Variants in NRXN1 observed in about 807,000 individuals in gnomAD.
The protein encoded by NRXN1 is neurexin-1.
A neutral mutation model predicts 150.9 loss-of-function variants in NRXN1; 39 were observed. The observed-to-expected ratio is 0.26, with a 90% CI of 0.20 to 0.34. The LOEUF (loss-of-function observed/expected upper bound fraction) is 0.34, where lower values mean the gene tolerates loss of function less well. NRXN1 is among the 10% of genes least tolerant of loss of function. NRXN1 has a pLI of 1.00. For missense variants in NRXN1, 1,815 were observed against 1,949.9 expected (o/e 0.93, Z 1.30); for synonymous variants, 924 against 757.0 (o/e 1.22, Z -3.62).
intron 22 of NRXN1, among the ~76,000 whole-genome samples, chr2:49,933,908 A>T (rs1456779072): frequency 6.6e-6 from 1 of 152,174 alleles, no homozygotes; most frequent in African/African-American, 2.4e-5. Context: ...GTATTTGAGG[A>T]CTTCCCTTTC....
rs185157598 is a variant in NRXN1 at position 50,796,193 on chromosome 2, C to G, written c.832+125676G>C. Reference sequence around the variant, plus strand: ...TCTCAGAAGCCATGTTAAGCATGTTCAAATACTCCTAAAATGGCTGCTGGT... The same window carrying G: ...TCTCAGAAGCCATGTTAAGCATGTTGAAATACTCCTAAAATGGCTGCTGGT... On this transcript the variant is annotated intron_variant, in intron 5 of 22. Transcript: ENST00000401669. Among the ~76,000 whole-genome samples the G allele has an allele frequency of 9.2e-5, 14 of 152,250 alleles. No homozygotes were observed. In the East Asian group the frequency reaches 2.7e-3, roughly 29 times the overall value.
chr2:49,986,107 C>A (rs1181052182), intron 21 of NRXN1, among the ~76,000 whole-genome samples: 1 of 152,122 alleles, frequency 6.6e-6, no homozygotes, highest in Non-Finnish European at 1.5e-5. Flanking sequence ...TATGTGACTT[C>A]GATCTAAATG....
intron 5 of NRXN1, among the ~76,000 whole-genome samples, chr2:50,847,744 G>A (rs937299441): frequency 2.0e-4 from 31 of 152,274 alleles, no homozygotes; most frequent in African/African-American, 7.0e-4. Flanking sequence ...TCAAGAGGAC[G>A]TGGAGGGAGT....
In NRXN1 at chr2:50,210,053, T is replaced by A. The variant is rs375885062; in HGVS notation, c.3546+26736A>T. Among the ~76,000 whole-genome samples, 10 of 152,110 alleles carry A rather than the reference T, an allele frequency of 6.6e-5. No homozygotes were observed. In the South Asian group the frequency reaches 1.9e-3, roughly 28 times the overall value. ...CCAAAATTATAATTACTTGGGTAAA[T>A]ATTATCATTTACAGGCAAATAATAA... On this transcript the variant is annotated intron_variant, in intron 18 of 22. Transcript: ENST00000401669.
intron 17 of NRXN1, among the ~76,000 whole-genome samples, chr2:50,280,715 C>CG (rs535831519): frequency 1.5e-3 from 226 of 152,246 alleles, no homozygotes; most frequent in African/African-American, 5.0e-3. Flanking sequence ...CAGGCTCTGA[C>CG]GGCGCTCTAA....
At chr2:49,954,894 C>A (rs2104489360) in intron 21 of NRXN1, among the ~76,000 whole-genome samples, 1 of 152,224 alleles carries the variant, frequency 6.6e-6, no homozygotes, top group Middle Eastern at 3.4e-3. Context: ...GCCCCCAGGG[C>A]ATCTATACAG....
At chr2:50,131,381 G>A (rs1705470084) in intron 18 of NRXN1, among the ~76,000 whole-genome samples, 1 of 151,982 alleles carries the variant, frequency 6.6e-6, no homozygotes, top group South Asian at 2.1e-4. Context: ...GTTTTCTTTG[G>A]TCAGTTTATC....
At chr2:49,930,945 A>G (rs7598993) in intron 22 of NRXN1, among the ~76,000 whole-genome samples, 32,637 of 152,076 alleles carry the variant, frequency 0.21, 3,719 homozygotes, top group East Asian at 0.31. Flanking sequence ...GCCTGGGAAA[A>G]AGAACAAGAT....
intron 18 of NRXN1, among the ~76,000 whole-genome samples, chr2:50,223,004 T>C (rs1034221729): frequency 1.3e-5 from 2 of 151,894 alleles, no homozygotes; most frequent in Non-Finnish European, 2.9e-5. Context: ...AAAAATTAAA[T>C]TGATTTAAAA....
chr2:50,838,487 A>G (rs1002478126), intron 5 of NRXN1, among the ~76,000 whole-genome samples: 1 of 152,136 alleles, frequency 6.6e-6, no homozygotes, highest in African/African-American at 2.4e-5. Context: ...AGAGTATGCT[A>G]TAAGCCTAAC....
chr2:50,485,938 C>A (rs2090839798), intron 15 of NRXN1, among the ~76,000 whole-genome samples: 1 of 152,148 alleles, frequency 6.6e-6, no homozygotes, highest in Non-Finnish European at 1.5e-5. Context: ...AGTGACTGAC[C>A]AAAGCAGAGG....
Position 50,528,830 on chromosome 2 carries a change from T to C in NRXN1, c.2348-179A>G, listed in dbSNP as rs576793317. 1.0e-5 allele frequency: 5 copies of C among 496,948 alleles called. No individual in the cohort carries two copies. In the South Asian group the frequency reaches 1.7e-4, roughly 17 times the overall value. 30.8% of individuals were successfully genotyped at this position (496,948 alleles called of 1,614,324 possible). A position where few individuals can be genotyped will look rare whatever the true frequency, so the allele number is the denominator to read the frequency against. On this transcript the variant is annotated intron_variant, in intron 11 of 22. Coordinates refer to ENST00000401669, the MANE Select transcript of NRXN1 (RefSeq NM_001330078.2). Reference sequence around the variant, plus strand: ...ATGTTTTGTTATAAAAGTTTACCATTGGAAACAACAATAGAAGGTTTTAAA... The same window carrying C: ...ATGTTTTGTTATAAAAGTTTACCATCGGAAACAACAATAGAAGGTTTTAAA...
chr2:50,197,100 A>G (rs528937354), intron 18 of NRXN1, among the ~76,000 whole-genome samples: 7 of 152,286 alleles, frequency 4.6e-5, no homozygotes, highest in Admixed American at 1.3e-4. Context: ...TAATATGGAC[A>G]GAGTCTCCTA....
intron 21 of NRXN1, among the ~76,000 whole-genome samples, chr2:50,013,026 C>T (rs370074459): frequency 6.6e-6 from 1 of 152,042 alleles, no homozygotes; most frequent in Admixed American, 6.6e-5. Flanking sequence ...GATCTGAAAA[C>T]AAAACCTACA....
chr2:50,244,862 A>G (rs1211235481), intron 17 of NRXN1, among the ~76,000 whole-genome samples: 1 of 151,878 alleles, frequency 6.6e-6, no homozygotes, highest in Non-Finnish European at 1.5e-5. Context: ...GGATTTTTAA[A>G]CTGCTTTTTA....
chr2:50,286,613 T>C (rs539897070), intron 17 of NRXN1, among the ~76,000 whole-genome samples: 3 of 152,212 alleles, frequency 2.0e-5, no homozygotes, highest in East Asian at 1.9e-4. Context: ...ACAGATATTA[T>C]GTGAAGAGGT....
chr2:50,958,981 A>G (rs1275600682), intron 2 of NRXN1, among the ~76,000 whole-genome samples: 2 of 152,086 alleles, frequency 1.3e-5, no homozygotes, highest in Non-Finnish European at 2.9e-5. Context: ...ATTTTGTCGT[A>G]GTGTCTTTGC....
intron 21 of NRXN1, among the ~76,000 whole-genome samples, chr2:50,002,786 A>G (rs550735876): frequency 6.6e-6 from 1 of 152,252 alleles, no homozygotes; most frequent in African/African-American, 2.4e-5. Context: ...TTGTATGACT[A>G]AAGATGATAA....
chr2:50,150,541 A>T (rs2152771551), intron 18 of NRXN1, among the ~76,000 whole-genome samples: 1 of 151,946 alleles, frequency 6.6e-6, no homozygotes, highest in Admixed American at 6.6e-5. Flanking sequence ...TGTTCCTGTA[A>T]GGACTAATTT....
Sources: allele counts gnomAD v4.1 joint callset (sites outside exome capture counted in the v4.1 genomes callset), GRCh38; gene constraint gnomAD v4.1.1; transcripts MANE v1.5; gene names NCBI Gene and HGNC (gene_info 2026-07-23, HGNC 2026-07-21).